DDX1: variants seen among roughly 807,000 people sequenced by gnomAD.
The protein encoded by DDX1 is DEAD-box helicase 1.
DDX1 carries 28 observed loss-of-function variants against 108.7 expected under a neutral mutation model. That is an observed-to-expected ratio of 0.26 (90% CI 0.19 to 0.35). The LOEUF is 0.35. DDX1 is among the 10% of genes least tolerant of loss of function. DDX1 has a pLI of 1.00. For synonymous variants in DDX1, 295 were observed against 288.9 expected (o/e 1.02, Z -0.21); for missense variants, 710 against 884.5 (o/e 0.80, Z 2.50).
intron 17 of DDX1, 109 bp from the exon 18 acceptor site, chr2:15,620,956 G>T: frequency 1.5e-6 from 1 of 673,064 alleles, no homozygotes; most frequent in African/African-American, 1.8e-5. Context: ...ACATATATCT[G>T]AAATACAGTC....
chr2:15,621,335 A>G lies in DDX1; in HGVS notation c.1447+219A>G, dbSNP rs558251305. Reference sequence around the variant, plus strand: ...ATTTTTAATTTTTTGAGACAGAGTCATGTTCTTGTCACCCAAGCTGGAGTG... The same window carrying G: ...ATTTTTAATTTTTTGAGACAGAGTCGTGTTCTTGTCACCCAAGCTGGAGTG... On this transcript the variant is annotated intron_variant, in intron 18 of 25. Coordinates refer to ENST00000233084, the MANE Select transcript of DDX1 (RefSeq NM_004939.3). The G allele has an allele frequency of 2.3e-3, 1,079 of 467,308 alleles. 4 individuals carry two copies. Among genetic ancestry groups the G allele is most frequent in the Non-Finnish European group, 3.0e-3 (784 of 265,396 alleles). The allele number at this position is 467,308 out of a possible 1,614,324, so 28.9% of individuals were successfully genotyped here.
At position 15,591,910 on chromosome 2, in the gene DDX1, G is replaced by A. The variant is rs1665418413; in HGVS notation, c.-24G>A. 9 of 1,463,542 alleles carry A rather than the reference G, an allele frequency of 6.1e-6. No homozygotes were observed. In the Admixed American group the frequency reaches 1.6e-4, roughly 26 times the overall value. 90.7% of individuals were successfully genotyped at this position (1,463,542 alleles called of 1,614,324 possible). ...GTCGGGAGGGAGGGAGCGAGCAGGC[G>A]AAGCCGCGGAGGACGGGGTGAAGAT... On this transcript the variant is annotated 5_prime_UTR_variant, in exon 1 of 26. Transcript: ENST00000233084.
chr2:15,605,033 G>A (rs780922270), intron 10 of DDX1, among the ~76,000 whole-genome samples: 4 of 152,204 alleles, frequency 2.6e-5, no homozygotes, highest in Non-Finnish European at 5.9e-5. Context: ...GACGGTGGTA[G>A]AATGTTAGAT....
At chr2:15,603,785 C>T in intron 8 of DDX1, 29 bp from the exon 9 acceptor site, 1 of 1,483,690 alleles carries the variant, frequency 6.7e-7, no homozygotes, top group South Asian at 1.2e-5. Context: ...TTTCTCTTAC[C>T]AGAAAAGTAA....
intron 13 of DDX1, among the ~76,000 whole-genome samples, chr2:15,608,640 C>G (rs1037112163): frequency 9.1e-5 from 13 of 143,446 alleles, no homozygotes; most frequent in Non-Finnish European, 1.7e-4. Context: ...TTTGACATCA[C>G]AAAAGCCTGT....
At chr2:15,611,452 T>C (rs1465235488) in intron 13 of DDX1, among the ~76,000 whole-genome samples, 1 of 141,624 alleles carries the variant, frequency 7.1e-6, no homozygotes, top group Admixed American at 6.8e-5. Context: ...CACCTCCCAG[T>C]AGGGACGGCC....
intron 16 of DDX1, 39 bp downstream of exon 16, chr2:15,618,309 C>T: frequency 1.9e-6 from 2 of 1,057,178 alleles, no homozygotes; most frequent in Non-Finnish European, 2.9e-6. Flanking sequence ...TGCATGTAAA[C>T]AATTGTTATG....
rs1665981601 is a variant in DDX1, at chr2:15,620,345, A to G, written c.1344A>G (p.Val448=). ...CTGTACACCATGTTGTTGTCCCAGT[A>G]AATCCCAAAACTGACAGACTCTGGG... The part of the protein sequence containing the change: ...PDTVHHVVVP[V]NPKTDRLWER... The change falls in exon 17 of 26, where the codon GTA becomes GTG. Residue 448 remains valine (V), a synonymous_variant. Coordinates refer to ENST00000233084, the MANE Select transcript of DDX1 (RefSeq NM_004939.3). 2 of 1,614,022 alleles carry G rather than the reference A, an allele frequency of 1.2e-6. No individual in the cohort carries two copies. The highest frequency in any genetic ancestry group is 1.3e-5 in the African/African-American group (1 of 75,034).
At chr2:15,612,330 G>C (rs1298672362) in intron 13 of DDX1, among the ~76,000 whole-genome samples, 8 of 151,400 alleles carry the variant, frequency 5.3e-5, no homozygotes, top group Admixed American at 1.3e-4. Flanking sequence ...TCCCAGACGG[G>C]GCGGCGGGGC....
Position 15,620,324 on chromosome 2 carries a change from A to G in DDX1, c.1323A>G (p.Val441=), listed in dbSNP as rs1390259763. ...LKGEDSVPDT[V]HHVVVPVNPK... The stretch of plus-strand genomic sequence containing the variant: ...GAGAAGACTCTGTTCCAGATACTGT[A>G]CACCATGTTGTTGTCCCAGTAAATC... The change falls in exon 17 of 26, where the codon GTA becomes GTG. Residue 441 remains valine, a synonymous_variant. Coordinates refer to ENST00000233084, the MANE Select transcript of DDX1 (RefSeq NM_004939.3). The G allele has an allele frequency of 1.2e-6, 2 of 1,613,972 alleles. No individual in the cohort carries two copies. Among genetic ancestry groups the G allele is most frequent in the Non-Finnish European group, 1.7e-6 (2 of 1,179,980 alleles).
intron 6 of DDX1, among the ~76,000 whole-genome samples, chr2:15,599,979 G>A (rs568518794): frequency 4.3e-4 from 66 of 152,118 alleles, no homozygotes; most frequent in African/African-American, 1.5e-3. Flanking sequence ...TTAAGTAAAG[G>A]GTGCTGACAC....
intron 13 of DDX1, among the ~76,000 whole-genome samples, chr2:15,612,465 T>C (rs1238445887): frequency 1.4e-5 from 2 of 138,588 alleles, no homozygotes; most frequent in East Asian, 2.2e-4. Flanking sequence ...CGGGAAGAGG[T>C]GCTCCTCACT....
chr2:15,616,044 C>T (rs183288901), intron 14 of DDX1, among the ~76,000 whole-genome samples: 17 of 145,054 alleles, frequency 1.2e-4, no homozygotes, highest in East Asian at 6.4e-4. Flanking sequence ...ATGTGCACGC[C>T]GCCATGCCCG....
Position 15,591,879 on chromosome 2 carries a change from G to C in DDX1, c.-55G>C, listed in dbSNP as rs1280651642. On this transcript the variant is annotated 5_prime_UTR_variant, in exon 1 of 26. Coordinates refer to ENST00000233084, the MANE Select transcript of DDX1 (RefSeq NM_004939.3). ...AAGCGCGCGCCGCCACTGCCACGCC[G>C]TGTCAGTCGGGAGGGAGGGAGCGAG... 1 of 1,466,346 alleles carries C rather than the reference G, an allele frequency of 6.8e-7. No individual in the cohort carries two copies. The highest frequency in any genetic ancestry group is 9.0e-7 in the Non-Finnish European group (1 of 1,107,446). The allele number at this position is 1,466,346 out of a possible 1,614,324, so 90.8% of individuals were successfully genotyped here. A position where few individuals can be genotyped will look rare whatever the true frequency, so the allele number is the denominator to read the frequency against.
chr2:15,611,680 G>A lies in DDX1; in HGVS notation c.957-1544G>A, dbSNP rs1355166111. The stretch of plus-strand genomic sequence containing the variant: ...CACCTCCCGGACGGGGCGGCTGGCC[G>A]GGCGGGGGGCTGACCCCCCCACCTC... On this transcript the variant is annotated intron_variant, in intron 13 of 25. Coordinates refer to ENST00000233084, the MANE Select transcript of DDX1 (RefSeq NM_004939.3). 2.8e-4 allele frequency among the ~76,000 whole-genome samples: 31 copies of A among 111,798 alleles called. 2 individuals carry two copies. In the East Asian group the frequency reaches 7.5e-3, roughly 27 times the overall value. 73.3% of individuals were successfully genotyped at this position (111,798 alleles called of 152,430 possible).
intron 5 of DDX1, among the ~76,000 whole-genome samples, chr2:15,598,531 GA>G (rs1176683246): frequency 6.6e-6 from 1 of 152,152 alleles, no homozygotes; most frequent in Admixed American, 6.6e-5. Flanking sequence ...AATTATTGAA[GA>G]GAACTAGAGA....
Position 15,592,279 on chromosome 2 carries a change from C to T in DDX1, c.16+330C>T, listed in dbSNP as rs375414406. 9.7e-4 allele frequency among the ~76,000 whole-genome samples: 148 copies of T among 152,322 alleles called. 2 individuals are homozygous for T. Among genetic ancestry groups the T allele is most frequent in the South Asian group, 6.2e-4 (3 of 4,834 alleles). Reference sequence around the variant, plus strand: ...CTCTGGCGGCTCCCAGACGCCTGGGCCTCCTGCCTCTTAACGTGGCAGTGA... The same window carrying T: ...CTCTGGCGGCTCCCAGACGCCTGGGTCTCCTGCCTCTTAACGTGGCAGTGA... On this transcript the variant is annotated intron_variant, in intron 1 of 25. Transcript: ENST00000233084.
Position 15,618,230 on chromosome 2 carries a change from A to G in DDX1, c.1166A>G (p.Asn389Ser), listed in dbSNP as rs983830054. 3.8e-6 allele frequency: 6 copies of G among 1,593,276 alleles called. No individual in the cohort carries two copies. Among genetic ancestry groups the G allele is most frequent in the Non-Finnish European group, 5.1e-6 (6 of 1,165,194 alleles). ...GYSDFINRMH[N>S]QIPQVTSDGK... Reference sequence around the variant, plus strand: ...TCTGATTTTATAAATAGGATGCACAATCAGATTCCTCAGGTTACCTCTGAT... The same window carrying G: ...TCTGATTTTATAAATAGGATGCACAGTCAGATTCCTCAGGTTACCTCTGAT... Residue 389 changes from asparagine (N) to serine (S), a missense_variant, in exon 16 of 26, where the codon AAT becomes AGT. Asn to Ser is a conservative substitution (Grantham distance 46). Coordinates refer to ENST00000233084, the MANE Select transcript of DDX1 (RefSeq NM_004939.3).
At chr2:15,626,837 G>T (rs1448862272) in intron 19 of DDX1, among the ~76,000 whole-genome samples, 1 of 152,130 alleles carries the variant, frequency 6.6e-6, no homozygotes, top group Non-Finnish European at 1.5e-5. Context: ...GACTTAAAAT[G>T]CCCTTAAAAG....
Sources: gnomAD v4.1 joint callset for allele counts (sites outside exome capture counted in the v4.1 genomes callset) on GRCh38, gnomAD v4.1.1 for gene constraint, MANE v1.5 for transcripts, NCBI Gene and HGNC (gene_info 2026-07-23, HGNC 2026-07-21) for gene names.